CLSTN2: variants seen among roughly 807,000 people sequenced by gnomAD.
The protein encoded by CLSTN2 is calsyntenin 2.
A neutral mutation model predicts 101.2 loss-of-function variants in CLSTN2; 48 were observed. That is an observed-to-expected ratio of 0.47 (90% CI 0.38 to 0.60). The LOEUF is 0.60. Ranked by LOEUF, CLSTN2 falls within the 20% of genes least tolerant of loss-of-function variation. The pLI is 0.00. For missense variants in CLSTN2, 1,160 were observed against 1,238.2 expected (o/e 0.94, Z 0.95); for synonymous variants, 481 against 463.6 (o/e 1.04, Z -0.48).
intron 2 of CLSTN2, among the ~76,000 whole-genome samples, chr3:140,333,071 A>G (rs2087402858): frequency 6.6e-6 from 1 of 152,172 alleles, no homozygotes; most frequent in African/African-American, 2.4e-5. Context: ...CCTGGCCCAG[A>G]GCTTGACTGA....
At chr3:140,015,892 T>C (rs1034392628) in intron 1 of CLSTN2, among the ~76,000 whole-genome samples, 1 of 152,230 alleles carries the variant, frequency 6.6e-6, no homozygotes, top group African/African-American at 2.4e-5. Context: ...TAATTGACTT[T>C]CTCTTTAAGT....
chr3:140,515,638 A>C (rs1374693745), intron 8 of CLSTN2, among the ~76,000 whole-genome samples: 3 of 152,128 alleles, frequency 2.0e-5, no homozygotes, highest in African/African-American at 7.2e-5. Flanking sequence ...ACAAGCATTC[A>C]GGAGCAGGTT....
In CLSTN2 at chr3:140,322,242, G is replaced by T. The variant is rs142703684; in HGVS notation, c.233-81387G>T. On this transcript the variant is annotated intron_variant, in intron 2 of 16. Coordinates refer to ENST00000458420, the MANE Select transcript of CLSTN2 (RefSeq NM_022131.3). ...GCCTGGCCCAGCATCTGGCAGCAAC[G>T]GACCAACCTGAACACTGAGATGGAA... Among the ~76,000 whole-genome samples, 15 of 152,306 alleles carry T rather than the reference G, an allele frequency of 9.8e-5. No homozygotes were observed. In the East Asian group the frequency reaches 2.9e-3, roughly 29 times the overall value.
chr3:140,463,177 G>A (rs186897460), intron 7 of CLSTN2, among the ~76,000 whole-genome samples: 11 of 152,230 alleles, frequency 7.2e-5, no homozygotes, highest in East Asian at 1.9e-4. Context: ...CTGCCTTGTC[G>A]CAGTAATCAA....
intron 2 of CLSTN2, among the ~76,000 whole-genome samples, chr3:140,241,880 TACAC>T (rs1219976223): frequency 1.4e-5 from 2 of 140,072 alleles, no homozygotes; most frequent in African/African-American, 5.4e-5. Flanking sequence ...CATATATATA[TACAC>T]ACACACACAC....
chr3:140,335,992 C>A (rs1423699642), intron 2 of CLSTN2, among the ~76,000 whole-genome samples: 1 of 152,146 alleles, frequency 6.6e-6, no homozygotes, highest in African/African-American at 2.4e-5. Flanking sequence ...AAACTAGACA[C>A]CAGAAAATTG....
intron 1 of CLSTN2, among the ~76,000 whole-genome samples, chr3:140,081,617 C>T (rs1370791682): frequency 1.3e-5 from 2 of 152,014 alleles, no homozygotes; most frequent in Non-Finnish European, 2.9e-5. Flanking sequence ...CCCTTACCCC[C>T]ACCTGCAGAG....
chr3:140,422,027 T>G (rs1449034497), intron 5 of CLSTN2, among the ~76,000 whole-genome samples: 1 of 152,170 alleles, frequency 6.6e-6, no homozygotes, highest in Non-Finnish European at 1.5e-5. Flanking sequence ...ACCATTATTT[T>G]GGCTGCCCGA....
In CLSTN2 at chr3:140,100,069, G is replaced by A. The variant is rs530767427; in HGVS notation, c.110-75882G>A. Among the ~76,000 whole-genome samples the A allele has an allele frequency of 1.1e-4, 16 of 151,656 alleles. No homozygotes were observed. The South Asian group carries it at 1.5e-3, about 14-fold the overall frequency. On this transcript the variant is annotated intron_variant, in intron 1 of 16. Transcript: ENST00000458420. ...TAGAGTTTTTTCCCTTCTATTTATC[G>A]TAGAAACTCTTGCCTACATACATGG...
At chr3:140,341,492 T>A (rs909727313) in intron 2 of CLSTN2, among the ~76,000 whole-genome samples, 1 of 152,116 alleles carries the variant, frequency 6.6e-6, no homozygotes, top group African/African-American at 2.4e-5. Flanking sequence ...ACTGTAAAAG[T>A]GAAGGGGACT....
chr3:140,258,691 C>T lies in CLSTN2; in HGVS notation c.232+82618C>T, dbSNP rs114332425. Among the ~76,000 whole-genome samples the T allele has an allele frequency of 1.9e-3, 286 of 152,254 alleles. 1 individual carries two copies. Among genetic ancestry groups the T allele is most frequent in the African/African-American group, 6.5e-3 (270 of 41,552 alleles). ...CCTCTTTTAATGTCTTTTGTGGAAA[C>T]TTCATCTTAATATCTTTGAACCGTT... On this transcript the variant is annotated intron_variant, in intron 2 of 16. Coordinates refer to ENST00000458420, the MANE Select transcript of CLSTN2 (RefSeq NM_022131.3).
At chr3:140,282,461 A>G (rs972029370) in intron 2 of CLSTN2, among the ~76,000 whole-genome samples, 7 of 152,182 alleles carry the variant, frequency 4.6e-5, no homozygotes, top group African/African-American at 1.4e-4. Context: ...ACTGCTGCAT[A>G]TAGAAGAAAG....
At chr3:140,404,812 A>T in intron 4 of CLSTN2, 46 bp downstream of exon 4, 1 of 1,516,306 alleles carries the variant, frequency 6.6e-7, no homozygotes, top group Non-Finnish European at 9.2e-7. Context: ...AAACAAATCC[A>T]TCGCCTCCAC....
At chr3:140,497,883 T>C (rs1934502116) in intron 8 of CLSTN2, among the ~76,000 whole-genome samples, 1 of 152,152 alleles carries the variant, frequency 6.6e-6, no homozygotes, top group African/African-American at 2.4e-5. Context: ...AGCCTGTTTT[T>C]CCGGGAGGGG....
At chr3:139,975,265 C>A (rs984535629) in intron 1 of CLSTN2, among the ~76,000 whole-genome samples, 2 of 152,010 alleles carry the variant, frequency 1.3e-5, no homozygotes, top group East Asian at 3.9e-4. Flanking sequence ...CAAGATAGCA[C>A]CTTGGGCAAA....
At chr3:140,367,659 T>G (rs2087807636) in intron 2 of CLSTN2, among the ~76,000 whole-genome samples, 1 of 152,204 alleles carries the variant, frequency 6.6e-6, no homozygotes, top group Non-Finnish European at 1.5e-5. Flanking sequence ...TTGTTTCTAT[T>G]TTGAACTGTG....
At chr3:140,052,654 CT>C (rs1316471005) in intron 1 of CLSTN2, among the ~76,000 whole-genome samples, 2 of 152,178 alleles carry the variant, frequency 1.3e-5, no homozygotes, top group Non-Finnish European at 2.9e-5. Context: ...GAAATGCCCC[CT>C]GAGGTAAGAG....
chr3:140,546,531 A>G lies in CLSTN2; in HGVS notation c.1524A>G (p.Lys508=). ...GACWQGGEVT[K]PQFAQFFHGS... ...TTTTTTCAGGAGGAGAAGTCACCAA[A>G]CCACAGTTTGCTCAGTTCTTTCATG... is the stretch of plus-strand genomic sequence containing the variant. The change falls in exon 10 of 17, where the codon AAA becomes AAG. Residue 508 remains lysine (K), a synonymous_variant. Transcript: ENST00000458420. The G allele has an allele frequency of 6.2e-7, 1 of 1,613,932 alleles. No individual in the cohort carries two copies. Among genetic ancestry groups the G allele is most frequent in the East Asian group, 2.2e-5 (1 of 44,868 alleles).
At chr3:140,349,051 G>A (rs1449720794) in intron 2 of CLSTN2, among the ~76,000 whole-genome samples, 1 of 152,196 alleles carries the variant, frequency 6.6e-6, no homozygotes, top group African/African-American at 2.4e-5. Context: ...TGATTAGATC[G>A]TGGGGGTGGT....
Sources: allele counts gnomAD v4.1 joint callset (sites outside exome capture counted in the v4.1 genomes callset), GRCh38; gene constraint gnomAD v4.1.1; transcripts MANE v1.5; gene names NCBI Gene and HGNC (gene_info 2026-07-23, HGNC 2026-07-21).